TMC2: variants seen among roughly 807,000 people sequenced by gnomAD.
TMC2 encodes the protein transmembrane channel like 2.
TMC2 carries 102 observed loss-of-function variants against 105.9 expected under a neutral mutation model. The observed-to-expected ratio is 0.96, with a 90% CI of 0.82 to 1.14. The LOEUF (loss-of-function observed/expected upper bound fraction) is 1.14, where lower values mean the gene tolerates loss of function less well. TMC2 is among the 50% of genes most tolerant of loss of function. The pLI, the probability that TMC2 is intolerant of heterozygous loss-of-function variation, is 0.00. For missense variants in TMC2, 1,093 were observed against 1,134.3 expected (o/e 0.96, Z 0.52); for synonymous variants, 402 against 422.8 (o/e 0.95, Z 0.60).
At chr20:2,614,996 A>G (rs964751612) in intron 14 of TMC2, among the ~76,000 whole-genome samples, 9 of 152,126 alleles carry the variant, frequency 5.9e-5, no homozygotes, top group African/African-American at 1.2e-4. Context: ...CCCAGTAGAT[A>G]TGTGTTTTTT....
chr20:2,574,233 C>T (rs112577975), intron 5 of TMC2, among the ~76,000 whole-genome samples: 4 of 152,068 alleles, frequency 2.6e-5, no homozygotes, highest in East Asian at 1.9e-4. Context: ...ACCTCAGTCA[C>T]GGTACATTAC....
At position 2,642,964 on chromosome 20, in the gene TMC2, C is replaced by A. The variant is rs941301995; in HGVS notation, c.*1613C>A. Among the ~76,000 whole-genome samples, 6 of 152,188 alleles carry A rather than the reference C, an allele frequency of 3.9e-5. No individual in the cohort carries two copies. The highest frequency in any genetic ancestry group is 2.1e-4 in the South Asian group (1 of 4,830). On this transcript the variant is annotated 3_prime_UTR_variant, in exon 20 of 20. Transcript: ENST00000358864. ...CCTGGCAGAGAGACGAAGATTTTTA[C>A]AGCAATTTCATAAGCTGTACAATTA...
At chr20:2,544,462 C>T (rs1312929217) in intron 2 of TMC2, among the ~76,000 whole-genome samples, 2 of 152,158 alleles carry the variant, frequency 1.3e-5, no homozygotes, top group Admixed American at 6.5e-5. Context: ...TATGAGGTTA[C>T]TCATCAAATT....
intron 17 of TMC2, among the ~76,000 whole-genome samples, chr20:2,626,100 A>G (rs76990741): frequency 0.14 from 21,386 of 152,160 alleles, 1,586 homozygotes; most frequent in Middle Eastern, 0.17. Flanking sequence ...ATCTTTCCCC[A>G]AAGGGATGGG....
intron 7 of TMC2, among the ~76,000 whole-genome samples, chr20:2,589,958 C>T (rs527348728): frequency 3.3e-5 from 5 of 152,142 alleles, no homozygotes; most frequent in Non-Finnish European, 5.9e-5. Flanking sequence ...CATGAGCCAC[C>T]GCGCATGGCC....
At chr20:2,596,016 T>C (rs1265978983) in intron 9 of TMC2, among the ~76,000 whole-genome samples, 1 of 152,128 alleles carries the variant, frequency 6.6e-6, no homozygotes, top group Non-Finnish European at 1.5e-5. Flanking sequence ...TGTTGTTGCT[T>C]TTTCCCTGCT....
chr20:2,595,709 C>T (rs899977251), intron 9 of TMC2, among the ~76,000 whole-genome samples: 1 of 152,026 alleles, frequency 6.6e-6, no homozygotes, highest in Non-Finnish European at 1.5e-5. Context: ...CAAACCTATC[C>T]ACCTGGGCCC....
chr20:2,596,354 G>A (rs904435773), intron 9 of TMC2, among the ~76,000 whole-genome samples: 4 of 152,178 alleles, frequency 2.6e-5, no homozygotes, highest in African/African-American at 7.2e-5. Flanking sequence ...GTACCGGGCC[G>A]GGCGTGGTGG....
chr20:2,573,062 C>A (rs1414494360), intron 5 of TMC2, among the ~76,000 whole-genome samples: 1 of 151,938 alleles, frequency 6.6e-6, no homozygotes, highest in Non-Finnish European at 1.5e-5. Flanking sequence ...CTCAAGAGAT[C>A]CTCCAGCCTC....
At chr20:2,559,707 A>AT (rs925529320) in intron 3 of TMC2, among the ~76,000 whole-genome samples, 2 of 151,872 alleles carry the variant, frequency 1.3e-5, no homozygotes, top group Non-Finnish European at 2.9e-5. Flanking sequence ...AAGGGCACTG[A>AT]TTTTTTTCCT....
At chr20:2,537,654 C>T (rs975112775) in intron 2 of TMC2, among the ~76,000 whole-genome samples, 9 of 152,180 alleles carry the variant, frequency 5.9e-5, no homozygotes, top group African/African-American at 2.2e-4. Context: ...CACATCCAGG[C>T]CCCCGGACTC....
At chr20:2,537,620 T>C (rs1020156769) in intron 2 of TMC2, among the ~76,000 whole-genome samples, 2 of 151,420 alleles carry the variant, frequency 1.3e-5, no homozygotes, top group African/African-American at 2.4e-5. Flanking sequence ...GGTGCAGGCT[T>C]CTGGCGGGTG....
chr20:2,574,364 T>A (rs963234741), intron 5 of TMC2, among the ~76,000 whole-genome samples: 1 of 152,246 alleles, frequency 6.6e-6, no homozygotes, highest in Non-Finnish European at 1.5e-5. Flanking sequence ...GTGCAGTATC[T>A]TGGCAGATTT....
At chr20:2,553,483 C>T (rs2085968579) in intron 2 of TMC2, among the ~76,000 whole-genome samples, 1 of 151,888 alleles carries the variant, frequency 6.6e-6, no homozygotes. Context: ...TTCTTGAATT[C>T]AATTTTCTAT....
intron 17 of TMC2, among the ~76,000 whole-genome samples, chr20:2,631,175 A>G (rs1345607857): frequency 1.3e-5 from 2 of 152,132 alleles, no homozygotes; most frequent in Admixed American, 1.3e-4. Flanking sequence ...CTTAATTATA[A>G]TAGTATACAA....
chr20:2,577,302 A>G (rs2086154037), intron 5 of TMC2, among the ~76,000 whole-genome samples: 1 of 152,082 alleles, frequency 6.6e-6, no homozygotes, highest in South Asian at 2.1e-4. Flanking sequence ...CAGCCTCCCA[A>G]AAAGCTGGGA....
intron 4 of TMC2, among the ~76,000 whole-genome samples, chr20:2,565,193 G>A (rs992761360): frequency 1.3e-5 from 2 of 152,208 alleles, no homozygotes; most frequent in African/African-American, 4.8e-5. Context: ...TATACAGCCA[G>A]TCTTTGCTGG....
chr20:2,544,307 C>T (rs1479575923), intron 2 of TMC2, among the ~76,000 whole-genome samples: 1 of 152,142 alleles, frequency 6.6e-6, no homozygotes, highest in Non-Finnish European at 1.5e-5. Flanking sequence ...GGAGATCCCA[C>T]ATCTGAATGC....
At chr20:2,637,650 C>A in intron 19 of TMC2, 59 bp downstream of exon 19, 1 of 1,182,050 alleles carries the variant, frequency 8.5e-7, no homozygotes, top group Admixed American at 1.8e-5. Context: ...GTGTAAAGAG[C>A]CTATGAAACA....
Sources: allele counts gnomAD v4.1 joint callset (sites outside exome capture counted in the v4.1 genomes callset), GRCh38; gene constraint gnomAD v4.1.1; transcripts MANE v1.5; gene names NCBI Gene and HGNC (gene_info 2026-07-23, HGNC 2026-07-21).